The following COL27A1 variants were observed in gnomAD, a reference collection of about 807,000 sequenced individuals.
The protein encoded by COL27A1 is collagen type XXVII alpha 1 chain.
COL27A1 carries 106 observed loss-of-function variants against 251.3 expected under a neutral mutation model. The ratio of observed to expected loss-of-function variants is 0.42; its 90% CI spans 0.36 to 0.50. The LOEUF (loss-of-function observed/expected upper bound fraction) is 0.50. Ranked by LOEUF, COL27A1 falls within the 20% of genes least tolerant of loss-of-function variation. The probability of loss-of-function intolerance (pLI) is 0.00; values close to 1 mark genes in which losing one functional copy is unlikely to be tolerated. For missense variants in COL27A1, 2,325 were observed against 2,522.8 expected (o/e 0.92, Z 1.68); for synonymous variants, 1,000 against 986.3 (o/e 1.01, Z -0.26).
intron 3 of COL27A1, 140 bp from the exon 4 acceptor site, chr9:114,178,151 A>G: frequency 1.5e-6 from 1 of 659,388 alleles, no homozygotes; most frequent in Non-Finnish European, 2.7e-6. Context: ...TTCTCAGGGC[A>G]GGGACCTCAG....
chr9:114,188,572 A>G (rs1828540370), intron 5 of COL27A1, among the ~76,000 whole-genome samples: 1 of 152,210 alleles, frequency 6.6e-6, no homozygotes, highest in Non-Finnish European at 1.5e-5. Context: ...ATGTGTATTT[A>G]TATATGTATA....
chr9:114,300,486 A>T, intron 50 of COL27A1, 139 bp from the exon 51 acceptor site: 1 of 608,824 alleles, frequency 1.6e-6, no homozygotes, highest in South Asian at 2.3e-5. Context: ...GGTGTTTCTT[A>T]CTCCTTCTGG....
At position 114,252,580 on chromosome 9, in the gene COL27A1, G is replaced by C. The variant is rs375808430; in HGVS notation, c.3034-13G>C. The C allele has an allele frequency of 1.9e-6, 3 of 1,613,616 alleles. No homozygotes were observed. Among genetic ancestry groups the C allele is most frequent in the South Asian group, 2.2e-5 (2 of 91,086 alleles). The stretch of plus-strand genomic sequence containing the variant: ...ATAGCCGTGACCTGCCTGCATTGCT[G>C]TCTCCATCACAGGGTGATCGTGGCA... On this transcript the variant is annotated splice_polypyrimidine_tract_variant and intron_variant, in intron 25 of 60. Coordinates refer to ENST00000356083, the MANE Select transcript of COL27A1 (RefSeq NM_032888.4).
At position 114,265,430 on chromosome 9, in the gene COL27A1, G is replaced by T. The variant is rs779262299; in HGVS notation, c.3348G>T (p.Pro1116=). 6.2e-7 allele frequency: 1 copy of T among 1,613,784 alleles called. No individual in the cohort carries two copies. Among genetic ancestry groups the T allele is most frequent in the African/African-American group, 1.3e-5 (1 of 75,050 alleles). The change falls in exon 32 of 61, where the codon CCG becomes CCT. Residue 1116 remains proline (P), a synonymous_variant. Coordinates refer to ENST00000356083, the MANE Select transcript of COL27A1 (RefSeq NM_032888.4). ...TTACCTTGTCTCTGCAGGGCATCCC[G>T]GGTCCCTCAGGCCCCCCAGGCACCA... ...HLGSRGFPGI[P]GPSGPPGTKG...
At chr9:114,224,194 AG>A (rs1370064573) in intron 14 of COL27A1, among the ~76,000 whole-genome samples, 1 of 152,244 alleles carries the variant, frequency 6.6e-6, no homozygotes, top group Non-Finnish European at 1.5e-5. Flanking sequence ...AGAACTCTCT[AG>A]AAGTCTTCTA....
rs1829292644 is a variant in COL27A1, at chr9:114,309,382, C to T, written c.5340C>T (p.Thr1780=). 1.9e-6 allele frequency: 3 copies of T among 1,614,042 alleles called. No individual in the cohort carries two copies. The highest frequency in any genetic ancestry group is 1.7e-5 in the Admixed American group (1 of 60,020). Residue 1780 remains threonine, a synonymous_variant, in exon 60 of 61, where the codon ACC becomes ACT. Coordinates refer to ENST00000356083, the MANE Select transcript of COL27A1 (RefSeq NM_032888.4). The part of the protein sequence containing the change: ...MTVWQEGTGQ[T]PAKQAVRFRA... ...TGTGGCAGGAGGGCACTGGGCAGAC[C>T]CCAGCCAAGCAGGCCGTACGCTTCC...
chr9:114,181,774 G>A (rs1173882506), intron 4 of COL27A1, among the ~76,000 whole-genome samples: 1 of 152,134 alleles, frequency 6.6e-6, no homozygotes, highest in African/African-American at 2.4e-5. Context: ...AAAATCCAGC[G>A]CCATGAATAA....
At chr9:114,236,350 G>A (rs370061094) in intron 17 of COL27A1, among the ~76,000 whole-genome samples, 1 of 152,202 alleles carries the variant, frequency 6.6e-6, no homozygotes, top group African/African-American at 2.4e-5. Context: ...ATGGAGCTCG[G>A]CTCAGGGTCC....
chr9:114,245,148 G>GTTTTGTTTTTT (rs1833027956), intron 23 of COL27A1, among the ~76,000 whole-genome samples: 1 of 101,334 alleles, frequency 9.9e-6, no homozygotes, highest in African/African-American at 3.9e-5. Flanking sequence ...GTGCATTCTT[G>GTTTTGTTTTTT]TTTTTTTTTT....
intron 1 of COL27A1, among the ~76,000 whole-genome samples, chr9:114,160,369 A>G (rs1848415061): frequency 6.6e-6 from 1 of 151,976 alleles, no homozygotes; most frequent in Admixed American, 6.6e-5. Context: ...GTTAGCCAGG[A>G]TGGTCTTGAT....
At chr9:114,196,492 G>A (rs1829141441) in intron 7 of COL27A1, among the ~76,000 whole-genome samples, 1 of 152,220 alleles carries the variant, frequency 6.6e-6, no homozygotes, top group Non-Finnish European at 1.5e-5. Context: ...GCAAGGCCTG[G>A]AGCGGAGAAG....
intron 29 of COL27A1, 69 bp downstream of exon 29, chr9:114,264,477 A>C: frequency 2.5e-5 from 31 of 1,258,118 alleles, no homozygotes; most frequent in Non-Finnish European, 3.2e-5. Flanking sequence ...AACAAGGCTC[A>C]CAGCTCCTCA....
intron 37 of COL27A1, among the ~76,000 whole-genome samples, chr9:114,281,954 A>C (rs1835937257): frequency 6.6e-6 from 1 of 152,140 alleles, no homozygotes; most frequent in South Asian, 2.1e-4. Flanking sequence ...TGGATGCCTA[A>C]CAGTAACCAT....
At chr9:114,230,331 A>C (rs2135427086) in intron 14 of COL27A1, among the ~76,000 whole-genome samples, 1 of 151,904 alleles carries the variant, frequency 6.6e-6, no homozygotes, top group South Asian at 2.1e-4. Flanking sequence ...TGCTTCCCAG[A>C]GCCTTCCTTG....
chr9:114,304,541 C>CT, intron 56 of COL27A1, 67 bp from the exon 57 acceptor site: 7 of 1,458,854 alleles, frequency 4.8e-6, no homozygotes, highest in Non-Finnish European at 6.7e-6. Flanking sequence ...GGCCCTGGGG[C>CT]TCCCACTTGA....
chr9:114,167,980 G>C lies in COL27A1; in HGVS notation c.425G>C (p.Arg142Pro). 6.2e-7 allele frequency: 1 copy of C among 1,605,358 alleles called. No homozygotes were observed. Among genetic ancestry groups the C allele is most frequent in the Non-Finnish European group, 8.5e-7 (1 of 1,179,824 alleles). Residue 142 changes from arginine (R) to proline (P), a missense_variant, in exon 3 of 61, where the codon CGG (arginine) becomes CCG (proline). Physicochemically the swap from Arg to Pro is moderately radical, Grantham distance 103. Around this residue, in one of 4 missense-constraint regions of COL27A1, gnomAD observed 1,183 missense variants for 1,144.1 expected, o/e 1.03. Coordinates refer to ENST00000356083, the MANE Select transcript of COL27A1 (RefSeq NM_032888.4). ...PGKTVVHLGS[R>P]RSVAFDLDMH... Reference sequence around the variant, plus strand: ...AAGACGGTCGTCCACCTCGGGTCCCGGCGCTCAGTGGCCTTCGACCTCGAC... The same window carrying C: ...AAGACGGTCGTCCACCTCGGGTCCCCGCGCTCAGTGGCCTTCGACCTCGAC...
Position 114,290,433 on chromosome 9 carries a change from A to G in COL27A1, c.4368+102A>G, listed in dbSNP as rs186737994. 1 of 1,051,974 alleles carries G rather than the reference A, an allele frequency of 9.5e-7. No individual in the cohort carries two copies. Among genetic ancestry groups the G allele is most frequent in the Admixed American group, 2.0e-5 (1 of 49,444 alleles). 65.2% of individuals were successfully genotyped at this position (1,051,974 alleles called of 1,614,324 possible). On this transcript the variant is annotated intron_variant, in intron 47 of 60. Coordinates refer to ENST00000356083, the MANE Select transcript of COL27A1 (RefSeq NM_032888.4). This position sits in a 1 kb window ranked among gnomAD's most constrained non-coding sequence, Gnocchi z 4.6. The stretch of plus-strand genomic sequence containing the variant: ...CAGAGGAGCCCGTTTGGAAACTTGG[A>G]TGGGCAGAACCAACACATCCAGAAG...
Position 114,222,842 on chromosome 9 carries a change from T to C in COL27A1, c.2466+575T>C, listed in dbSNP as rs186522799. On this transcript the variant is annotated intron_variant, in intron 14 of 60. Transcript: ENST00000356083. ...GGGCCTAGTTTCCTCATCTGTGAAA[T>C]AGAGGTGATAGCAGAATCATCCTGG... 2.4e-4 allele frequency among the ~76,000 whole-genome samples: 36 copies of C among 152,196 alleles called. No individual in the cohort carries two copies. The East Asian group carries it at 4.4e-3, about 19-fold the overall frequency.
At chr9:114,271,827 C>T (rs547388872) in intron 36 of COL27A1, 1 of 152,416 alleles carries the variant, frequency 6.6e-6, no homozygotes, top group Non-Finnish European at 1.5e-5. Context: ...CTTCTCTGAA[C>T]CTCAGTTTCC....
Sources: gnomAD v4.1 joint callset for allele counts (sites outside exome capture counted in the v4.1 genomes callset) on GRCh38, gnomAD v4.1.1 for gene constraint, gnomAD v4.1.1 regional missense constraint, Gnocchi (gnomAD v3.1) non-coding constraint, MANE v1.5 for transcripts, NCBI Gene and HGNC (gene_info 2026-07-23, HGNC 2026-07-21) for gene names.